The following LRP1B variants were observed in gnomAD, a reference collection of about 807,000 sequenced individuals.
The protein encoded by LRP1B is LDL receptor related protein 1B.
In LRP1B, 217 loss-of-function variants were observed where a neutral mutation model predicts 556.6. The observed-to-expected ratio is 0.39, with a 90% CI of 0.35 to 0.44. The LOEUF (loss-of-function observed/expected upper bound fraction) is 0.44, where lower values mean the gene tolerates loss of function less well. Among genes scored for constraint, LRP1B ranks in the 20% least tolerant of loss-of-function variants. The probability of loss-of-function intolerance (pLI) is 1.00; values close to 1 mark genes in which losing one functional copy is unlikely to be tolerated. For synonymous variants in LRP1B, 2,047 were observed against 1,865.8 expected (o/e 1.10, Z -2.50); for missense variants, 5,053 against 5,620.8 (o/e 0.90, Z 3.23).
At chr2:140,545,057 C>CTTT (rs1352643316) in intron 43 of LRP1B, among the ~76,000 whole-genome samples, 1 of 150,978 alleles carries the variant, frequency 6.6e-6, no homozygotes, top group Non-Finnish European at 1.5e-5. Flanking sequence ...TCATGTTGAG[C>CTTT]TTTTTTTCAT....
intron 43 of LRP1B, among the ~76,000 whole-genome samples, chr2:140,579,293 G>A (rs1291940547): frequency 6.6e-6 from 1 of 152,076 alleles, no homozygotes; most frequent in African/African-American, 2.4e-5. Context: ...ATATTATCAT[G>A]TCATAAAAAT....
intron 63 of LRP1B, among the ~76,000 whole-genome samples, chr2:140,445,978 T>G (rs1686642199): frequency 6.6e-6 from 1 of 152,162 alleles, no homozygotes; most frequent in East Asian, 1.9e-4. Flanking sequence ...AATTATGCTT[T>G]TATAATTACA....
chr2:140,363,464 T>G (rs1288938807), intron 72 of LRP1B, among the ~76,000 whole-genome samples: 1 of 151,436 alleles, frequency 6.6e-6, no homozygotes, highest in Non-Finnish European at 1.5e-5. Flanking sequence ...GAATAGAGAA[T>G]AGAAAAAAAA....
intron 3 of LRP1B, among the ~76,000 whole-genome samples, chr2:141,329,386 CAA>C (rs3038417): frequency 3.1e-4 from 35 of 111,612 alleles, no homozygotes; most frequent in Admixed American, 4.9e-4. Flanking sequence ...AAAACTCCGT[CAA>C]AAAAAAAAAA....
intron 34 of LRP1B, 23 bp from the exon 35 acceptor site, chr2:140,769,367 G>A (rs529122774): frequency 1.9e-6 from 3 of 1,558,736 alleles, no homozygotes; most frequent in Admixed American, 1.9e-5. Flanking sequence ...CCGGAGATAA[G>A]GGGGGGAAGG....
At chr2:141,899,227 C>T (rs1300535347) in intron 1 of LRP1B, among the ~76,000 whole-genome samples, 6 of 152,062 alleles carry the variant, frequency 3.9e-5, no homozygotes, top group Admixed American at 3.3e-4. Flanking sequence ...ACTGCTTGTA[C>T]GCTGATGGAA....
chr2:141,783,904 A>G (rs1427755050), intron 2 of LRP1B, among the ~76,000 whole-genome samples: 1 of 151,852 alleles, frequency 6.6e-6, no homozygotes, highest in Non-Finnish European at 1.5e-5. Flanking sequence ...TTCTGAGGAT[A>G]TATTAGACAA....
At chr2:140,769,367 G>C (rs529122774) in intron 34 of LRP1B, 23 bp from the exon 35 acceptor site, 1 of 1,558,618 alleles carries the variant, frequency 6.4e-7, no homozygotes. Flanking sequence ...CCGGAGATAA[G>C]GGGGGGAAGG....
intron 1 of LRP1B, among the ~76,000 whole-genome samples, chr2:141,849,628 A>G (rs891120149): frequency 2.0e-5 from 3 of 151,660 alleles, no homozygotes; most frequent in Non-Finnish European, 4.4e-5. Flanking sequence ...ACTTTTACAT[A>G]GAAAAATAAT....
chr2:140,910,564 T>G (rs1187576427), intron 21 of LRP1B, among the ~76,000 whole-genome samples: 1 of 151,850 alleles, frequency 6.6e-6, no homozygotes, highest in Non-Finnish European at 1.5e-5. Flanking sequence ...AATCATATTT[T>G]CAAAAATATT....
intron 2 of LRP1B, among the ~76,000 whole-genome samples, chr2:141,639,349 T>TATATATATATATATACACACAC (rs1262198983): frequency 3.6e-5 from 2 of 56,096 alleles, no homozygotes; most frequent in Admixed American, 2.6e-4. Context: ...TATATATATA[T>TATATATATATATATACACACAC]ACACACACAC....
chr2:141,283,408 C>G lies in LRP1B; in HGVS notation c.344-28767G>C, dbSNP rs186906051. 2.6e-3 allele frequency among the ~76,000 whole-genome samples: 401 copies of G among 151,714 alleles called. 1 individual carries two copies. Among genetic ancestry groups the G allele is most frequent in the African/African-American group, 9.2e-3 (380 of 41,392 alleles). The stretch of plus-strand genomic sequence containing the variant: ...TAGAAGTTTGGGATGACAAGAACAT[C>G]GATTTTAAGGAAGGCGGGGGAGGTG... On this transcript the variant is annotated intron_variant, in intron 3 of 90. Transcript: ENST00000389484.
chr2:141,066,436 G>A (rs1311875813), intron 7 of LRP1B, among the ~76,000 whole-genome samples: 1 of 151,988 alleles, frequency 6.6e-6, no homozygotes, highest in Non-Finnish European at 1.5e-5. Flanking sequence ...GACAGTGACA[G>A]AGCACTGTGC....
Position 140,255,412 on chromosome 2 carries a change from C to A in LRP1B, c.13248-8250G>T, listed in dbSNP as rs16843687. 3.5e-3 allele frequency among the ~76,000 whole-genome samples: 532 copies of A among 152,256 alleles called. 3 individuals carry two copies. Among genetic ancestry groups the A allele is most frequent in the African/African-American group, 0.012 (490 of 41,548 alleles). On this transcript the variant is annotated intron_variant, in intron 86 of 90. Transcript: ENST00000389484. ...GAGAATACTACTATTTGGGGTGAGT[C>A]ATAAATATCTTTACATATTTGATCA...
At chr2:141,446,643 G>T (rs180812872) in intron 3 of LRP1B, among the ~76,000 whole-genome samples, 1 of 152,240 alleles carries the variant, frequency 6.6e-6, no homozygotes, top group Non-Finnish European at 1.5e-5. Context: ...TGTCTGTGAA[G>T]GATTTTATTT....
intron 82 of LRP1B, among the ~76,000 whole-genome samples, chr2:140,315,593 G>A (rs762842733): frequency 1.4e-4 from 21 of 152,030 alleles, no homozygotes; most frequent in Middle Eastern, 3.4e-3. Flanking sequence ...TAAATTTTTT[G>A]TAGAGACAGG....
At chr2:140,512,909 ATTTTC>A (rs1689725655) in intron 51 of LRP1B, among the ~76,000 whole-genome samples, 1 of 152,124 alleles carries the variant, frequency 6.6e-6, no homozygotes, top group South Asian at 2.1e-4. Context: ...CTAAAGCAGT[ATTTTC>A]TTTATGTGTC....
chr2:142,115,632 T>TA (rs1491409880), intron 1 of LRP1B, among the ~76,000 whole-genome samples: 2 of 18,018 alleles, frequency 1.1e-4, no homozygotes, highest in African/African-American at 3.4e-4. Context: ...AATATATATA[T>TA]TATATATGTA....
intron 1 of LRP1B, among the ~76,000 whole-genome samples, chr2:141,908,112 A>G (rs1699807643): frequency 6.6e-6 from 1 of 152,088 alleles, no homozygotes; most frequent in Admixed American, 6.6e-5. Context: ...GTAAAGGGGA[A>G]AATAAAGATA....
Sources: gnomAD v4.1 joint callset for allele counts (sites outside exome capture counted in the v4.1 genomes callset) on GRCh38, gnomAD v4.1.1 for gene constraint, MANE v1.5 for transcripts, NCBI Gene and HGNC (gene_info 2026-07-23, HGNC 2026-07-21) for gene names.